Variants in LRRK1 observed in about 807,000 individuals in gnomAD.
The protein encoded by LRRK1 is leucine rich repeat kinase 1.
In LRRK1, 113 loss-of-function variants were observed where a neutral mutation model predicts 209.1. The ratio of observed to expected loss-of-function variants is 0.54; its 90% CI spans 0.46 to 0.63. The LOEUF (loss-of-function observed/expected upper bound fraction) is 0.63. LRRK1 is among the 30% of genes least tolerant of loss of function. The pLI is 0.00. For missense variants in LRRK1, 2,284 were observed against 2,632.2 expected, an observed-to-expected ratio of 0.87 and a Z score of 2.89; for synonymous variants, 1,144 against 1,099.7, an observed-to-expected ratio of 1.04 and a Z score of -0.80.
chr15:100,962,823 A>ATTTTTTTTTT (rs1161979293), intron 2 of LRRK1, among the ~76,000 whole-genome samples: 4 of 11,546 alleles, frequency 3.5e-4, no homozygotes, highest in Non-Finnish European at 8.3e-4. Context: ...ATATATATAT[A>ATTTTTTTTTT]TTTTTTTTTT....
chr15:100,947,936 T>C (rs1596183632), intron 2 of LRRK1, among the ~76,000 whole-genome samples: 2 of 152,316 alleles, frequency 1.3e-5, no homozygotes, highest in South Asian at 4.1e-4. Context: ...CAGTGATGTA[T>C]TCAAAGGAAA....
At chr15:100,992,792 C>T (rs1223196388) in intron 6 of LRRK1, among the ~76,000 whole-genome samples, 1 of 152,116 alleles carries the variant, frequency 6.6e-6, no homozygotes, top group African/African-American at 2.4e-5. Flanking sequence ...CCTCAGCCTC[C>T]CAAGTAGCAG....
Position 100,988,819 on chromosome 15 carries a change from T to C in LRRK1, c.613+6T>C. 2 of 1,589,454 alleles carry C rather than the reference T, an allele frequency of 1.3e-6. No individual in the cohort carries two copies. The highest frequency in any genetic ancestry group is 2.3e-5 in the South Asian group (2 of 87,734). On this transcript the variant is annotated splice_donor_region_variant and intron_variant, in intron 5 of 33. Coordinates refer to ENST00000388948, the MANE Select transcript of LRRK1 (RefSeq NM_024652.6). ...GTATGCGGCCATCAAGTCAGGTGGG[T>C]TTCCCCACTACCCTGAGTCAACCCT...
chr15:100,984,921 A>T (rs144043207), intron 4 of LRRK1, among the ~76,000 whole-genome samples: 1 of 152,178 alleles, frequency 6.6e-6, no homozygotes, highest in Non-Finnish European at 1.5e-5. Context: ...GTGGGAGAAC[A>T]TGCAGTCACC....
chr15:100,924,705 G>C lies in LRRK1; in HGVS notation c.73G>C (p.Glu25Gln), dbSNP rs1342350922. 1.2e-6 allele frequency: 2 copies of C among 1,614,180 alleles called. No homozygotes were observed. Among genetic ancestry groups the C allele is most frequent in the Non-Finnish European group, 1.7e-6 (2 of 1,180,012 alleles). ...VGPEESAVCP[E>Q]RAMETLNGAG... Reference sequence around the variant, plus strand: ...GCCGGAGGAGTCAGCTGTGTGTCCAGAACGTGCCATGGAGACGCTTAACGG... The same window carrying C: ...GCCGGAGGAGTCAGCTGTGTGTCCACAACGTGCCATGGAGACGCTTAACGG... The change falls in exon 2 of 34, where the codon GAA becomes CAA. Residue 25 changes from glutamate to glutamine, a missense_variant. Physicochemically the swap from Glu to Gln is conservative, Grantham distance 29. This residue lies in a region of LRRK1 where 174 missense variants were observed against 133.5 expected (regional missense o/e 1.30). Transcript: ENST00000388948.
chr15:101,066,348 A>T, intron 32 of LRRK1, 143 bp downstream of exon 32: 1 of 1,200,158 alleles, frequency 8.3e-7, no homozygotes, highest in Non-Finnish European at 1.2e-6. Flanking sequence ...GGTTTCCTCC[A>T]TTGGGAATGG....
chr15:100,971,893 C>G (rs1405121639), intron 2 of LRRK1, among the ~76,000 whole-genome samples: 1 of 152,056 alleles, frequency 6.6e-6, no homozygotes, highest in African/African-American at 2.4e-5. Flanking sequence ...GAATGTTTGT[C>G]TTTTTGTGCC....
rs541287901 is a variant in LRRK1 at position 100,924,629 on chromosome 15, G to T, written c.-4G>T. The T allele has an allele frequency of 6.2e-7, 1 of 1,614,076 alleles. No individual in the cohort carries two copies. On this transcript the variant is annotated 5_prime_UTR_variant, in exon 2 of 34. Transcript: ENST00000388948. ...CCTTTGAAGATCGGCTGCTGCAAGG[G>T]TTGATGGCTGGCATGTCGCAAAGAC...
At chr15:100,921,684 G>T (rs76860643) in intron 1 of LRRK1, among the ~76,000 whole-genome samples, 1 of 152,184 alleles carries the variant, frequency 6.6e-6, no homozygotes, top group Non-Finnish European at 1.5e-5. Flanking sequence ...TTCATAGAAA[G>T]AACTCAATAA....
chr15:101,042,144 G>C (rs1395980760), intron 20 of LRRK1, among the ~76,000 whole-genome samples: 1 of 152,146 alleles, frequency 6.6e-6, no homozygotes, highest in Non-Finnish European at 1.5e-5. Flanking sequence ...CTTTCCATCT[G>C]GTATAATCTC....
rs968761875 is a variant in LRRK1 at position 101,065,983 on chromosome 15, C to G, written c.5546C>G (p.Pro1849Arg). 9 of 1,614,154 alleles carry G rather than the reference C, an allele frequency of 5.6e-6. No individual in the cohort carries two copies. The highest frequency in any genetic ancestry group is 7.6e-6 in the Non-Finnish European group (9 of 1,180,036). ...CSMSSYSSSPPRQAARSPSSL... is the reference protein window; with the variant it reads ...CSMSSYSSSPRRQAARSPSSL... ...ATGTCCTCCTACTCCTCATCCCCAC[C>G]CCGCCAGGCTGCCAGGTCCCCCTCA... Residue 1849 changes from proline (P) to arginine (R), a missense_variant, in exon 32 of 34, where the codon CCC (proline) becomes CGC (arginine). Around this residue, in one of 6 missense-constraint regions of LRRK1, gnomAD observed 643 missense variants for 695.9 expected, o/e 0.92. Transcript: ENST00000388948.
chr15:100,967,826 C>G (rs1040575337), intron 2 of LRRK1, among the ~76,000 whole-genome samples: 2 of 152,226 alleles, frequency 1.3e-5, no homozygotes, highest in Non-Finnish European at 2.9e-5. Flanking sequence ...TTGCAAACAT[C>G]TGTACACTTC....
chr15:101,034,261 A>G (rs1174803711), intron 20 of LRRK1, among the ~76,000 whole-genome samples: 1 of 152,162 alleles, frequency 6.6e-6, no homozygotes, highest in South Asian at 2.1e-4. Context: ...TTAGTTTAAT[A>G]TAGTACTATT....
rs1171914012 is a variant in LRRK1, at chr15:101,027,921, A to ATCCCCC, written c.2686+130_2686+135dup. On this transcript the variant is annotated intron_variant, in intron 19 of 33. Transcript: ENST00000388948. The surrounding 1 kb of genome is among the most constrained non-coding windows in gnomAD (Gnocchi z 5.1). The stretch of plus-strand genomic sequence containing the variant: ...CACCCAGCCTGCGTTTCTGCCTTCC[A>ATCCCCC]TCCCCCTCCCCTTCCTTCTTCCCTC... The ATCCCCC allele has an allele frequency of 2.4e-6, 2 of 837,290 alleles. No individual in the cohort carries two copies. Among genetic ancestry groups the ATCCCCC allele is most frequent in the Non-Finnish European group, 1.8e-6 (1 of 546,330 alleles). The allele number at this position is 837,290 out of a possible 1,614,324, so 51.9% of individuals were successfully genotyped here.
intron 1 of LRRK1, among the ~76,000 whole-genome samples, chr15:100,922,249 A>C (rs938906431): frequency 2.0e-5 from 3 of 152,222 alleles, no homozygotes; most frequent in Admixed American, 2.0e-4. Context: ...TTGAGGGCAA[A>C]GATTGAGCAA....
At position 101,046,056 on chromosome 15, in the gene LRRK1, C is replaced by T. The variant is rs1273405321; in HGVS notation, c.3039C>T (p.Thr1013=). 27 of 1,614,172 alleles carry T rather than the reference C, an allele frequency of 1.7e-5. No individual in the cohort carries two copies. The highest frequency in any genetic ancestry group is 2.3e-5 in the Non-Finnish European group (27 of 1,180,016). Residue 1013 remains threonine (T), a synonymous_variant, in exon 21 of 34, where the codon ACC becomes ACT. Transcript: ENST00000388948. ...THGMRHPTAN[T]IQRVFKMSFV... is the part of the protein sequence containing the mutation. ...GTATGCGGCACCCCACAGCCAACAC[C>T]ATTCAGAGGGTATTTAAGATGAGCT...
Position 101,056,957 on chromosome 15 carries a change from G to A in LRRK1, c.4434G>A (p.Lys1478=). ...TCCAGATTGCCAAGAAGCTGTCCAA[G>A]GGCATCCGCCCGGTTCTGGGGCAGC... ...HQLQIAKKLS[K]GIRPVLGQPE... The change falls in exon 28 of 34, where the codon AAG becomes AAA. Residue 1478 remains lysine (K), a synonymous_variant. Transcript: ENST00000388948. 6.2e-7 allele frequency: 1 copy of A among 1,614,194 alleles called. No homozygotes were observed. The highest frequency in any genetic ancestry group is 8.5e-7 in the Non-Finnish European group (1 of 1,180,032).
chr15:100,963,036 T>C (rs1444854512), intron 2 of LRRK1, among the ~76,000 whole-genome samples: 1 of 150,914 alleles, frequency 6.6e-6, no homozygotes, highest in Non-Finnish European at 1.5e-5. Context: ...TTAGCCAGGC[T>C]GGTCTTGAAC....
chr15:100,926,680 C>CTTTTTTTTTTTTTTTTTTTTTTTTTT (rs71151990), intron 2 of LRRK1, among the ~76,000 whole-genome samples: 3 of 81,844 alleles, frequency 3.7e-5, no homozygotes, highest in African/African-American at 1.1e-4. Flanking sequence ...TTCTTTTTTT[C>CTTTTTTTTTTTTTTTTTTTTTTTTTT]TTTTTTTTTT....
Sources: allele counts gnomAD v4.1 joint callset (sites outside exome capture counted in the v4.1 genomes callset), GRCh38; gene constraint gnomAD v4.1.1; regional missense constraint gnomAD v4.1.1; non-coding constraint Gnocchi (gnomAD v3.1); transcripts MANE v1.5; gene names NCBI Gene and HGNC (gene_info 2026-07-23, HGNC 2026-07-21).